MZF1: variants seen among roughly 807,000 people sequenced by gnomAD.
MZF1 encodes zinc finger and SCAN domain-containing protein 6.
MZF1 carries 24 observed loss-of-function variants against 28.6 expected under a neutral mutation model. The ratio of observed to expected loss-of-function variants is 0.84; its 90% CI spans 0.61 to 1.18. MZF1 has a LOEUF of 1.18. Among genes scored for constraint, MZF1 ranks in the 50% most tolerant of loss-of-function variants. The probability of loss-of-function intolerance (pLI) is 0.00; values close to 1 mark genes in which losing one functional copy is unlikely to be tolerated. For missense variants in MZF1, 1,166 were observed against 1,026.4 expected, an observed-to-expected ratio of 1.14 and a Z score of -1.86; for synonymous variants, 516 against 432.5, an observed-to-expected ratio of 1.19 and a Z score of -2.40.
chr19:58,565,966 C>G (rs1166505307), intron 5 of MZF1, among the ~76,000 whole-genome samples: 1 of 150,610 alleles, frequency 6.6e-6, no homozygotes, highest in Non-Finnish European at 1.5e-5. Flanking sequence ...CGGCGAAACC[C>G]CGTCTCTACT....
chr19:58,572,324 C>A (rs1358278276), intron 1 of MZF1, among the ~76,000 whole-genome samples: 1 of 152,108 alleles, frequency 6.6e-6, no homozygotes, highest in Admixed American at 6.6e-5. Context: ...CTACTCAGCC[C>A]CATCTTCTAA....
intron 4 of MZF1, 41 bp from the exon 5 acceptor site, chr19:58,569,438 G>C: frequency 6.2e-7 from 1 of 1,613,948 alleles, no homozygotes; most frequent in Non-Finnish European, 8.5e-7. Context: ...GCCTGGCTGG[G>C]CTCAGGGAGG....
At chr19:58,569,635 C>T in intron 3 of MZF1, 49 bp from the exon 4 acceptor site, 1 of 1,472,712 alleles carries the variant, frequency 6.8e-7, no homozygotes, top group Non-Finnish European at 9.3e-7. Context: ...TTCCACCCCA[C>T]TGCCCTTCTT....
chr19:58,571,088 TG>T lies in MZF1; in HGVS notation c.301del (p.Gln101ArgfsTer18). ...QFLGALPPEIQARVQGQRPGS... is the reference protein window; with the variant it reads ...QFLGALPPEIXARVQGQRPGS... ...TGGCCGCTGCCCCTGCACACGGGCC[TG>T]GATCTCAGGGGGCAGTGCGCCCAGG... On this transcript the variant is annotated frameshift_variant, in exon 2 of 6. Coordinates refer to ENST00000215057, the MANE Select transcript of MZF1 (RefSeq NM_198055.2). LOFTEE classifies it high-confidence loss of function. 6.2e-7 allele frequency: 1 copy of T among 1,613,770 alleles called. No individual in the cohort carries two copies. Among genetic ancestry groups the T allele is most frequent in the Non-Finnish European group, 8.5e-7 (1 of 1,179,940 alleles).
At position 58,563,060 on chromosome 19, in the gene MZF1, T is replaced by C. The variant is rs1354146148; in HGVS notation, c.1217A>G (p.His406Arg). 1.2e-6 allele frequency: 2 copies of C among 1,602,860 alleles called. No individual in the cohort carries two copies. Among genetic ancestry groups the C allele is most frequent in the East Asian group, 4.5e-5 (2 of 44,860 alleles). The change falls in exon 6 of 6, where the codon CAC (histidine) becomes CGC (arginine). Residue 406 changes from histidine to arginine, a missense_variant. His to Arg is a conservative substitution (Grantham distance 29). Transcript: ENST00000215057. ...SSHLLRHQLT[H>R]TEERPFVCGD... ...GCACACGAACGGCCGCTCCTCGGTG[T>C]GCGTAAGCTGGTGGCGCAGCAGGTG...
Position 58,562,732 on chromosome 19 carries a change from G to C in MZF1, c.1545C>G (p.Cys515Trp), listed in dbSNP as rs1481757534. Residue 515 changes from cysteine to tryptophan, a missense_variant, in exon 6 of 6, where the codon TGC becomes TGG. Cys to Trp is a radical substitution (Grantham distance 215). Coordinates refer to ENST00000215057, the MANE Select transcript of MZF1 (RefSeq NM_198055.2). ...AVHTGDKSFG[C>W]VECGERFGRR... ...GGCCGAAGCGCTCGCCGCACTCGAC[G>C]CAGCCAAAGGACTTGTCGCCCGTGT... 1 of 1,535,962 alleles carries C rather than the reference G, an allele frequency of 6.5e-7. No homozygotes were observed. The highest frequency in any genetic ancestry group is 8.7e-7 in the Non-Finnish European group (1 of 1,147,312).
chr19:58,571,636 T>C, intron 1 of MZF1: 1 of 551,420 alleles, frequency 1.8e-6, no homozygotes, highest in African/African-American at 1.9e-5. Context: ...TCTCTCCGCT[T>C]GGGCCTGTGC....
In MZF1 at chr19:58,562,393, A is replaced by C. The variant is rs139765143; in HGVS notation, c.1884T>G (p.Gly628=). 3 of 1,606,562 alleles carry C rather than the reference A, an allele frequency of 1.9e-6. No homozygotes were observed. The African/African-American group carries it at 4.1e-5, about 22-fold the overall frequency. Residue 628 remains glycine, a synonymous_variant, in exon 6 of 6, where the codon GGT becomes GGG. Coordinates refer to ENST00000215057, the MANE Select transcript of MZF1 (RefSeq NM_198055.2). ...CCTGCGTGAAGCCCAGGCCGCACTC[A>C]CCGCAGTGGTAGGGCTTTTCGCCGG... ...THTGEKPYHC[G]ECGLGFTQVS...
At chr19:58,570,261 G>C in intron 3 of MZF1, 83 bp downstream of exon 3, 1 of 1,413,540 alleles carries the variant, frequency 7.1e-7, no homozygotes, top group Non-Finnish European at 9.5e-7. Flanking sequence ...ACCTGGCCCA[G>C]TGGACTTCAG....
intron 2 of MZF1, 40 bp from the exon 3 acceptor site, chr19:58,570,567 G>A (rs2054140855): frequency 6.3e-7 from 1 of 1,587,178 alleles, no homozygotes; most frequent in African/African-American, 1.3e-5. Context: ...CTACCAGAGA[G>A]TAAGGCTGGC....
chr19:58,566,468 T>C (rs1400702159), intron 5 of MZF1, among the ~76,000 whole-genome samples: 2 of 150,788 alleles, frequency 1.3e-5, no homozygotes, highest in Non-Finnish European at 2.9e-5. Flanking sequence ...AAAAAGGGAA[T>C]GAACATGTGT....
chr19:58,563,387 C>G lies in MZF1; in HGVS notation c.890G>C (p.Arg297Pro), dbSNP rs767860391. The change falls in exon 6 of 6, where the codon CGC (arginine) becomes CCC (proline). Residue 297 changes from arginine to proline, a missense_variant. Coordinates refer to ENST00000215057, the MANE Select transcript of MZF1 (RefSeq NM_198055.2). ...AAGCGCATGCGCAAAGCCACCTTCG[C>G]GGGAGGGTGATTGGATCTGGCCAGA... ...GLSGQIQSPS[R>P]EGGFAHALLL... 2 of 1,602,230 alleles carry G rather than the reference C, an allele frequency of 1.2e-6. No homozygotes were observed. The highest frequency in any genetic ancestry group is 2.7e-5 in the African/African-American group (2 of 74,642).
At chr19:58,563,600 G>C in intron 5 of MZF1, 96 bp from the exon 6 acceptor site, 1 of 1,047,470 alleles carries the variant, frequency 9.5e-7, no homozygotes, top group Non-Finnish European at 1.3e-6. Flanking sequence ...ACAGGGACCT[G>C]AAACTGACCA....
intron 5 of MZF1, chr19:58,569,043 T>G: frequency 2.2e-6 from 1 of 453,032 alleles, no homozygotes; most frequent in Non-Finnish European, 3.9e-6. Context: ...TTTACTAGGG[T>G]GGGGAGTTTC....
chr19:58,569,050 T>C, intron 5 of MZF1: 3 of 458,276 alleles, frequency 6.5e-6, no homozygotes, highest in South Asian at 4.0e-5. Flanking sequence ...GGGTGGGGAG[T>C]TTCTAGAAAG....
intron 5 of MZF1, among the ~76,000 whole-genome samples, chr19:58,564,902 G>GTGTTTTTTTTTTTTTT: frequency 2.4e-5 from 1 of 41,954 alleles, no homozygotes; most frequent in Non-Finnish European, 4.9e-5. Flanking sequence ...CCATGTGTGT[G>GTGTTTTTTTTTTTTTT]TTTTTTTTTT....
At position 58,562,600 on chromosome 19, in the gene MZF1, G is replaced by A; in HGVS notation, c.1677C>T (p.His559=). The A allele has an allele frequency of 2.5e-6, 4 of 1,583,176 alleles. No individual in the cohort carries two copies. Among genetic ancestry groups the A allele is most frequent in the Non-Finnish European group, 3.4e-6 (4 of 1,168,490 alleles). ...SFRQRSNLTQ[H]RRIHTGERPF... ...GCCGCTCCCCGGTGTGGATGCGCCG[G>A]TGCTGCGTCAGGTTGGAGCGCTGCC... The change falls in exon 6 of 6, where the codon CAC becomes CAT. Residue 559 remains histidine, a synonymous_variant. Transcript: ENST00000215057.
intron 5 of MZF1, among the ~76,000 whole-genome samples, chr19:58,564,902 GTTTTTTTTTTTTTTTTTTTT>G (rs71190056): frequency 2.4e-5 from 1 of 41,954 alleles, no homozygotes; most frequent in African/African-American, 7.3e-5. Flanking sequence ...CCATGTGTGT[GTTTTTTTTTTTTTTTTTTTT>G]TTTTTTTTTT....
Position 58,563,188 on chromosome 19 carries a change from C to G in MZF1, c.1089G>C (p.Lys363Asn), listed in dbSNP as rs779702563. The G allele has an allele frequency of 1.9e-6, 3 of 1,611,134 alleles. No homozygotes were observed. In the East Asian group the frequency reaches 6.7e-5, roughly 36 times the overall value. The change falls in exon 6 of 6, where the codon AAG becomes AAC. Residue 363 changes from lysine to asparagine, a missense_variant. By Grantham distance (94) the Lys-to-Asn change is moderately conservative (BLOSUM62 0). Coordinates refer to ENST00000215057, the MANE Select transcript of MZF1 (RefSeq NM_198055.2). The part of the protein sequence containing the change: ...VRGGRCDVCG[K>N]VFSQRSNLLR... The stretch of plus-strand genomic sequence containing the variant: ...GCAGGTTGCTGCGTTGGCTGAACAC[C>G]TTGCCACATACATCGCAACGGCCGC...
Sources: allele counts gnomAD v4.1 joint callset (sites outside exome capture counted in the v4.1 genomes callset), GRCh38; gene constraint gnomAD v4.1.1; transcripts MANE v1.5; gene names NCBI Gene and HGNC (gene_info 2026-07-23, HGNC 2026-07-21).